The following PCNP variants were observed in gnomAD, a reference collection of about 807,000 sequenced individuals.
The protein encoded by PCNP is PEST proteolytic signal containing nuclear protein.
PCNP carries 6 observed loss-of-function variants against 21.8 expected under a neutral mutation model. The observed-to-expected ratio is 0.28, with a 90% CI of 0.15 to 0.54. PCNP has a LOEUF of 0.54. Ranked by LOEUF, PCNP falls within the 20% of genes least tolerant of loss-of-function variation. The pLI is 0.95. For synonymous variants in PCNP, 67 were observed against 73.2 expected, an observed-to-expected ratio of 0.92 and a Z score of 0.43; for missense variants, 161 against 215.5, an observed-to-expected ratio of 0.75 and a Z score of 1.58.
chr3:101,579,051 A>T (rs970535644), intron 1 of PCNP, among the ~76,000 whole-genome samples: 1 of 152,086 alleles, frequency 6.6e-6, no homozygotes, highest in Non-Finnish European at 1.5e-5. Flanking sequence ...CCAAACCTAC[A>T]TATGTATGCC....
At chr3:101,588,746 A>C (rs1935660291) in intron 3 of PCNP, among the ~76,000 whole-genome samples, 1 of 152,064 alleles carries the variant, frequency 6.6e-6, no homozygotes, top group Non-Finnish European at 1.5e-5. Context: ...CTCAATTTGG[A>C]TTTGTCTGAT....
rs200763127 is a variant in PCNP at position 101,579,961 on chromosome 3, C to A, written c.236C>A (p.Thr79Lys). 18 of 1,613,838 alleles carry A rather than the reference C, an allele frequency of 1.1e-5. No homozygotes were observed. Among genetic ancestry groups the A allele is most frequent in the Non-Finnish European group, 1.4e-5 (16 of 1,179,824 alleles). The change falls in exon 2 of 5, where the codon ACG becomes AAG. Residue 79 changes from threonine to lysine, a missense_variant. Coordinates refer to ENST00000265260, the MANE Select transcript of PCNP (RefSeq NM_020357.3). ...TTTGGATTTGCCATAGGTAGTCAGA[C>A]GACAAAGAAAGCATCAGCCATATCC... is the stretch of plus-strand genomic sequence containing the variant. ...SKFGFAIGSQ[T>K]TKKASAISIK...
At chr3:101,585,955 G>T (rs1258772909) in intron 3 of PCNP, among the ~76,000 whole-genome samples, 1 of 152,110 alleles carries the variant, frequency 6.6e-6, no homozygotes, top group Admixed American at 6.6e-5. Flanking sequence ...TGGATCACTT[G>T]AGGTCAGCGG....
At chr3:101,580,976 T>A (rs1445699418) in intron 2 of PCNP, among the ~76,000 whole-genome samples, 1 of 152,232 alleles carries the variant, frequency 6.6e-6, no homozygotes, top group Non-Finnish European at 1.5e-5. Context: ...TAATGCTCAA[T>A]TGCCAGATGT....
At chr3:101,576,527 G>A (rs1366516196) in intron 1 of PCNP, 4 of 1,610,432 alleles carry the variant, frequency 2.5e-6, no homozygotes, top group East Asian at 2.2e-5. Flanking sequence ...CGGCCACGGC[G>A]GCCAGTGGTC....
Position 101,592,891 on chromosome 3 carries a change from TAATA to T in PCNP, c.*142_*145del, listed in dbSNP as rs1193154161. The stretch of plus-strand genomic sequence containing the variant: ...TTTTTTAAAAGATTGAGTGGTACAC[TAATA>T]AATGAGAGTTTGAAATTAGAGGTAA... On this transcript the variant is annotated 3_prime_UTR_variant, in exon 5 of 5. Transcript: ENST00000265260. The T allele has an allele frequency of 3.4e-5, 19 of 557,204 alleles. No homozygotes were observed. The highest frequency in any genetic ancestry group is 5.2e-5 in the South Asian group (1 of 19,072). 34.5% of individuals were successfully genotyped at this position (557,204 alleles called of 1,614,324 possible).
intron 4 of PCNP, among the ~76,000 whole-genome samples, chr3:101,591,254 G>T (rs905539219): frequency 6.6e-6 from 1 of 152,184 alleles, no homozygotes; most frequent in African/African-American, 2.4e-5. Context: ...TCCTGTCTTT[G>T]TGTGCATTAA....
intron 3 of PCNP, among the ~76,000 whole-genome samples, chr3:101,587,998 C>T (rs1410440364): frequency 6.6e-6 from 1 of 152,110 alleles, no homozygotes; most frequent in African/African-American, 2.4e-5. Flanking sequence ...ATTGACTGGG[C>T]ATGGTGGCTC....
chr3:101,579,140 T>A (rs534107406), intron 1 of PCNP, among the ~76,000 whole-genome samples: 7 of 152,034 alleles, frequency 4.6e-5, no homozygotes, highest in East Asian at 3.9e-4. Flanking sequence ...TTTTTTTTTT[T>A]AAATAGCTCT....
intron 2 of PCNP, among the ~76,000 whole-genome samples, chr3:101,584,820 G>A (rs954922877): frequency 2.6e-5 from 4 of 152,150 alleles, no homozygotes; most frequent in Admixed American, 2.0e-4. Flanking sequence ...GGCCAACATG[G>A]CGAAACCTCG....
chr3:101,587,204 C>T (rs1034722052), intron 3 of PCNP, among the ~76,000 whole-genome samples: 2 of 150,928 alleles, frequency 1.3e-5, no homozygotes, highest in Non-Finnish European at 1.5e-5. Flanking sequence ...GAGCCAAGAT[C>T]GTGCCATTGC....
At chr3:101,586,170 C>CAAAAAA (rs10529220) in intron 3 of PCNP, among the ~76,000 whole-genome samples, 1 of 97,572 alleles carries the variant, frequency 1.0e-5, no homozygotes, top group Non-Finnish European at 2.0e-5. Flanking sequence ...GTCTCTGTCT[C>CAAAAAA]AAAAAAAAAA....
intron 1 of PCNP, chr3:101,576,359 C>CA: frequency 1.5e-6 from 1 of 655,380 alleles, no homozygotes; most frequent in South Asian, 2.7e-5. Context: ...CTCAGCCTCC[C>CA]AAGTAGCTGG....
chr3:101,577,935 T>A (rs558404400), intron 1 of PCNP, among the ~76,000 whole-genome samples: 1 of 152,246 alleles, frequency 6.6e-6, no homozygotes, highest in Non-Finnish European at 1.5e-5. Context: ...TTTGATTTCA[T>A]GTTAATTACA....
At chr3:101,579,024 G>A (rs1440188298) in intron 1 of PCNP, among the ~76,000 whole-genome samples, 1 of 151,938 alleles carries the variant, frequency 6.6e-6, no homozygotes, top group Non-Finnish European at 1.5e-5. Context: ...AGCAAAATTA[G>A]CAAGACATTT....
chr3:101,575,891 A>T (rs1934852717), intron 1 of PCNP, among the ~76,000 whole-genome samples: 1 of 152,180 alleles, frequency 6.6e-6, no homozygotes, highest in Admixed American at 6.5e-5. Flanking sequence ...TTACTTTGCT[A>T]ATTGGTATCA....
chr3:101,582,921 A>G (rs562821840), intron 2 of PCNP, among the ~76,000 whole-genome samples: 11 of 152,264 alleles, frequency 7.2e-5, no homozygotes, highest in Non-Finnish European at 1.6e-4. Flanking sequence ...AATTAAGACC[A>G]TGAGACCGAA....
chr3:101,589,546 G>C (rs1474564159), intron 3 of PCNP, among the ~76,000 whole-genome samples: 1 of 152,074 alleles, frequency 6.6e-6, no homozygotes, highest in African/African-American at 2.4e-5. Flanking sequence ...GAGTAGCTGG[G>C]ATTACAGGCA....
In PCNP at chr3:101,585,152, C is replaced by A. The variant is rs189571923; in HGVS notation, c.280-285C>A. ...GGTATTACTAATCATTTTCTCTTGC[C>A]TGTACCAAGTACCCCTTAGGTAAGT... On this transcript the variant is annotated intron_variant, in intron 2 of 4. Transcript: ENST00000265260. Among the ~76,000 whole-genome samples the A allele has an allele frequency of 2.6e-3, 400 of 152,260 alleles. 2 individuals carry two copies. Among genetic ancestry groups the A allele is most frequent in the Non-Finnish European group, 4.7e-3 (317 of 68,022 alleles).
Sources: allele counts gnomAD v4.1 joint callset (sites outside exome capture counted in the v4.1 genomes callset), GRCh38; gene constraint gnomAD v4.1.1; transcripts MANE v1.5; gene names NCBI Gene and HGNC (gene_info 2026-07-23, HGNC 2026-07-21).